Variants in HHATL observed in about 807,000 individuals in gnomAD.
HHATL encodes the protein protein-cysteine N-palmitoyltransferase HHAT-like protein.
Under a neutral mutation model 59.7 loss-of-function variants are expected in HHATL, and 49 were observed. The observed-to-expected ratio is 0.82, with a 90% CI of 0.65 to 1.04. HHATL has a LOEUF of 1.04. HHATL is among the 50% of genes least tolerant of loss of function. The pLI, the probability that HHATL is intolerant of heterozygous loss-of-function variation, is 0.00. For synonymous variants in HHATL, 238 were observed against 257.3 expected (o/e 0.93, Z 0.72); for missense variants, 605 against 650.8 (o/e 0.93, Z 0.77).
intron 1 of HHATL, among the ~76,000 whole-genome samples, chr3:42,702,082 A>AC (rs774214932): frequency 1.4e-4 from 21 of 151,310 alleles, no homozygotes; most frequent in African/African-American, 2.7e-4. Flanking sequence ...TTTCTCAGTG[A>AC]CCCCCCTCTG....
At chr3:42,694,639 C>G (rs758780398) in intron 9 of HHATL, among the ~76,000 whole-genome samples, 1 of 152,208 alleles carries the variant, frequency 6.6e-6, no homozygotes, top group African/African-American at 2.4e-5. Context: ...CATGCTCCCC[C>G]AGTTCATCAT....
intron 9 of HHATL, among the ~76,000 whole-genome samples, chr3:42,695,237 C>T (rs907683263): frequency 7.9e-5 from 12 of 152,206 alleles, no homozygotes; most frequent in African/African-American, 2.7e-4. Context: ...CCTCCTGGCC[C>T]CCCAGCTTCA....
In HHATL at chr3:42,698,494, T is replaced by G. The variant is rs2125855282; in HGVS notation, c.484-143A>C. On this transcript the variant is annotated intron_variant, in intron 5 of 11. Transcript: ENST00000441594. The stretch of plus-strand genomic sequence containing the variant: ...TCCAGAGCCAGTTAACTTTGGCCAC[T>G]GCTCTATCCCAGCAATGCGAGGAGC... The G allele has an allele frequency of 5.2e-6, 5 of 961,394 alleles. No homozygotes were observed. The South Asian group carries it at 8.4e-5, about 16-fold the overall frequency. 59.6% of individuals were successfully genotyped at this position (961,394 alleles called of 1,614,324 possible).
chr3:42,698,683 C>T lies in HHATL; in HGVS notation c.483+25G>A. On this transcript the variant is annotated intron_variant, in intron 5 of 11. Coordinates refer to ENST00000441594, the MANE Select transcript of HHATL (RefSeq NM_020707.4). ...GAGGTTTGGGATCTTATCCCTACAC[C>T]CTCTACCCCTGCACCAGTTCACACC... The T allele has an allele frequency of 3.3e-6, 5 of 1,531,712 alleles. No individual in the cohort carries two copies. The South Asian group carries it at 3.9e-5, about 12-fold the overall frequency. 94.9% of individuals were successfully genotyped at this position (1,531,712 alleles called of 1,614,324 possible).
rs373774262 is a variant in HHATL at position 42,693,141 on chromosome 3, G to A, written c.1326C>T (p.Tyr442=). ...TGAGGCTGTTCAGGCTCACAAGGTT[G>A]TACATGATGATGGCCCAGAAGTTCA... ...GAMNFWAIIM[Y]NLVSLNSLKF... Residue 442 remains tyrosine (Y), a synonymous_variant, in exon 11 of 12, where the codon TAC becomes TAT. Coordinates refer to ENST00000441594, the MANE Select transcript of HHATL (RefSeq NM_020707.4). The A allele has an allele frequency of 4.3e-6, 7 of 1,614,062 alleles. No homozygotes were observed. The African/African-American group carries it at 9.3e-5, about 22-fold the overall frequency.
chr3:42,697,260 AC>A (rs34221829), intron 7 of HHATL, 115 bp from the exon 8 acceptor site: 23 of 1,315,470 alleles, frequency 1.7e-5, no homozygotes, highest in East Asian at 2.5e-5. Context: ...CCCCACGGAG[AC>A]CCCCCCATAT....
rs972454963 is a variant in HHATL at position 42,702,713 on chromosome 3, C to CCT, written c.-150_-149dup. The CCT allele has an allele frequency of 6.5e-6, 1 of 153,272 alleles. No individual in the cohort carries two copies. The highest frequency in any genetic ancestry group is 2.4e-5 in the African/African-American group (1 of 41,446). 9.5% of individuals were successfully genotyped at this position (153,272 alleles called of 1,614,324 possible). A position where few individuals can be genotyped will look rare whatever the true frequency, so the allele number is the denominator to read the frequency against. On this transcript the variant is annotated 5_prime_UTR_variant, in exon 1 of 12. Transcript: ENST00000441594. ...GTGTCCAGCCCTGGGGTCCCCACCC[C>CCT]CTTGAGGTTATGAGCGGTGAGTGGT...
Position 42,693,200 on chromosome 3 carries a change from T to C in HHATL, c.1267A>G (p.Met423Val). 2 of 1,614,064 alleles carry C rather than the reference T, an allele frequency of 1.2e-6. No homozygotes were observed. The highest frequency in any genetic ancestry group is 1.7e-5 in the Admixed American group (1 of 60,014). ...ARIEASLSVQ[M>V]SRRVRALFGA... ...AACAGGGCCCGGACCCTACGGGACA[T>C]CTGCACTGACAGAGAGGCCTATCCG... The change falls in exon 11 of 12, where the codon ATG (methionine) becomes GTG (valine). Residue 423 changes from methionine to valine, a missense_variant. Transcript: ENST00000441594.
chr3:42,693,711 A>G lies in HHATL; in HGVS notation c.1154T>C (p.Ile385Thr), dbSNP rs1484048002. 1 of 1,614,212 alleles carries G rather than the reference A, an allele frequency of 6.2e-7. No individual in the cohort carries two copies. The highest frequency in any genetic ancestry group is 2.2e-5 in the East Asian group (1 of 44,882). The change falls in exon 10 of 12, where the codon ATT (isoleucine) becomes ACT (threonine). Residue 385 changes from isoleucine to threonine, a missense_variant. Coordinates refer to ENST00000441594, the MANE Select transcript of HHATL (RefSeq NM_020707.4). ...ITTLWLGPCD[I>T]VYLWSFLNCF... is the part of the protein sequence containing the mutation. ...GTTAAGGAATGACCACAGGTAGACA[A>G]TGTCACAAGGCCCAAGCCACAGTGT... is the stretch of plus-strand genomic sequence containing the variant.
intron 6 of HHATL, 49 bp downstream of exon 6, chr3:42,698,093 A>G: frequency 6.4e-7 from 1 of 1,558,798 alleles, no homozygotes; most frequent in Non-Finnish European, 8.8e-7. Flanking sequence ...CCCCAATCTG[A>G]AAAGGGAGAT....
rs369295529 is a variant in HHATL, at chr3:42,693,798, C to A, written c.1067G>T (p.Gly356Val). The part of the protein sequence containing the change: ...WLCKYVYNHI[G>V]GEHSAVIPEL... ...TGGGATCACAGCGGAATGCTCCCCA[C>A]CAATGTGGTTATACACATATCTGCA... is the stretch of plus-strand genomic sequence containing the variant. Residue 356 changes from glycine to valine, a missense_variant, in exon 10 of 12, where the codon GGT (glycine) becomes GTT (valine). Coordinates refer to ENST00000441594, the MANE Select transcript of HHATL (RefSeq NM_020707.4). 18 of 1,613,772 alleles carry A rather than the reference C, an allele frequency of 1.1e-5. No homozygotes were observed. In the African/African-American group the frequency reaches 2.4e-4, roughly 22 times the overall value.
intron 3 of HHATL, 33 bp from the exon 4 acceptor site, chr3:42,699,178 A>C: frequency 6.5e-7 from 1 of 1,540,986 alleles, no homozygotes; most frequent in Non-Finnish European, 9.0e-7. Context: ...GAGGTGGGGC[A>C]GGTGAGGGTG....
rs147001069 is a variant in HHATL, at chr3:42,698,777, G to C, written c.414C>G (p.Pro138=). 85 of 1,612,288 alleles carry C rather than the reference G, an allele frequency of 5.3e-5. No individual in the cohort carries two copies. The African/African-American group carries it at 1.0e-3, about 19-fold the overall frequency. ...CCAAGCCAAGGCCAAGACAGAGCCA[G>C]GGCTGGCCCAAAAGCGAGGCCACAT... ...GLYVASLLGQ[P]WLCLGLGLAS... is the part of the protein sequence containing the mutation. Residue 138 remains proline (P), a synonymous_variant, in exon 5 of 12, where the codon CCC becomes CCG. Coordinates refer to ENST00000441594, the MANE Select transcript of HHATL (RefSeq NM_020707.4).
chr3:42,697,397 G>C, intron 7 of HHATL, 111 bp downstream of exon 7: 2 of 1,275,710 alleles, frequency 1.6e-6, no homozygotes, highest in African/African-American at 3.0e-5. Flanking sequence ...CACGCCCTCA[G>C]GTGCTGTGCC....
rs906936785 is a variant in HHATL at position 42,700,914 on chromosome 3, A to C, written c.-13-75T>G. 5.3e-6 allele frequency: 5 copies of C among 946,976 alleles called. No homozygotes were observed. In the South Asian group the frequency reaches 5.7e-5, roughly 11 times the overall value. 58.7% of individuals were successfully genotyped at this position (946,976 alleles called of 1,614,324 possible). On this transcript the variant is annotated intron_variant, in intron 1 of 11. Transcript: ENST00000441594. The stretch of plus-strand genomic sequence containing the variant: ...CCCCACCTCATGGTCCCACCACCCC[A>C]GTGGGGACCCACTCTGAAGAGAGAT...
At chr3:42,698,963 G>T (rs1697792707) in intron 4 of HHATL, 61 bp from the exon 5 acceptor site, 3 of 1,608,950 alleles carry the variant, frequency 1.9e-6, no homozygotes, top group Non-Finnish European at 2.6e-6. Context: ...CCCAGGAGGG[G>T]GTTCCCACAA....
chr3:42,697,696 G>A lies in HHATL; in HGVS notation c.694-17C>T. On this transcript the variant is annotated splice_polypyrimidine_tract_variant and intron_variant, in intron 6 of 11. Coordinates refer to ENST00000441594, the MANE Select transcript of HHATL (RefSeq NM_020707.4). Reference sequence around the variant, plus strand: ...CTGGCTCACCTGGGGGGATGCGAAGGGTCTGAGGGAAGAGGCAAGCCCTGC... The same window carrying A: ...CTGGCTCACCTGGGGGGATGCGAAGAGTCTGAGGGAAGAGGCAAGCCCTGC... 6.2e-7 allele frequency: 1 copy of A among 1,608,224 alleles called. No homozygotes were observed. The highest frequency in any genetic ancestry group is 8.5e-7 in the Non-Finnish European group (1 of 1,175,706).
At position 42,701,059 on chromosome 3, in the gene HHATL, A is replaced by C. The variant is rs1194242876; in HGVS notation, c.-13-220T>G. 24 of 502,714 alleles carry C rather than the reference A, an allele frequency of 4.8e-5. No homozygotes were observed. The highest frequency in any genetic ancestry group is 1.6e-4 in the African/African-American group (8 of 49,038). 31.1% of individuals were successfully genotyped at this position (502,714 alleles called of 1,614,324 possible). A position where few individuals can be genotyped will look rare whatever the true frequency, so the allele number is the denominator to read the frequency against. On this transcript the variant is annotated intron_variant, in intron 1 of 11. Coordinates refer to ENST00000441594, the MANE Select transcript of HHATL (RefSeq NM_020707.4). The surrounding 1 kb of genome is among the most constrained non-coding windows in gnomAD (Gnocchi z 5.1). ...CAGCTGCTGCTCTTGCCCCCACCCC[A>C]CCCATCAAGGCTCTTGCCCGCAGAG...
Position 42,697,062 on chromosome 3 carries a change from C to A in HHATL, c.949G>T (p.Asp317Tyr). Residue 317 changes from aspartate (D) to tyrosine (Y), a missense_variant, in exon 8 of 12, where the codon GAC (aspartate) becomes TAC (tyrosine). Transcript: ENST00000441594. ...FGVVNTVACLDHLDPPQPPKC... is the reference protein window; with the variant it reads ...FGVVNTVACLYHLDPPQPPKC... ...GGAGGCTGGGGTGGGTCCAGGTGGT[C>A]GAGGCATGCCACAGTGTTGACAACA... 1.9e-6 allele frequency: 3 copies of A among 1,589,134 alleles called. No individual in the cohort carries two copies. The highest frequency in any genetic ancestry group is 2.6e-6 in the Non-Finnish European group (3 of 1,166,734).
Sources: allele counts gnomAD v4.1 joint callset (sites outside exome capture counted in the v4.1 genomes callset), GRCh38; gene constraint gnomAD v4.1.1; non-coding constraint Gnocchi (gnomAD v3.1); transcripts MANE v1.5; gene names NCBI Gene and HGNC (gene_info 2026-07-23, HGNC 2026-07-21).